The following RERE variants were observed in gnomAD, a reference collection of about 807,000 sequenced individuals.
RERE encodes arginine-glutamic acid dipeptide repeats protein.
In RERE, 40 loss-of-function variants were observed where a neutral mutation model predicts 146.1. The ratio of observed to expected loss-of-function variants is 0.27; its 90% CI spans 0.21 to 0.36. RERE has a LOEUF of 0.36. Among genes scored for constraint, RERE ranks in the 10% least tolerant of loss-of-function variants. The pLI, the probability that RERE is intolerant of heterozygous loss-of-function variation, is 1.00. For missense variants in RERE, 1,933 were observed against 2,138.7 expected (o/e 0.90, Z 1.90); for synonymous variants, 1,003 against 866.0 (o/e 1.16, Z -2.78).
intron 8 of RERE, among the ~76,000 whole-genome samples, chr1:8,498,263 G>A (rs1445883773): frequency 2.0e-5 from 3 of 152,182 alleles, no homozygotes; most frequent in African/African-American, 7.2e-5. Flanking sequence ...GGAGGCTGAG[G>A]CAGAGAACTG....
chr1:8,500,258 T>C (rs1242904370), intron 8 of RERE, among the ~76,000 whole-genome samples: 1 of 152,228 alleles, frequency 6.6e-6, no homozygotes, highest in Non-Finnish European at 1.5e-5. Flanking sequence ...CTAATGTCTG[T>C]TATTAATCGA....
chr1:8,723,372 A>C (rs1639900080), intron 1 of RERE, among the ~76,000 whole-genome samples: 1 of 152,228 alleles, frequency 6.6e-6, no homozygotes, highest in Non-Finnish European at 1.5e-5. Context: ...TCTAAACAGA[A>C]CATAGGCACA....
chr1:8,600,397 A>T (rs1440709237), intron 4 of RERE, among the ~76,000 whole-genome samples: 1 of 152,248 alleles, frequency 6.6e-6, no homozygotes, highest in Non-Finnish European at 1.5e-5. Context: ...TTAACAATTC[A>T]TCAGATATCT....
intron 4 of RERE, among the ~76,000 whole-genome samples, chr1:8,613,057 TATATC>T (rs1464978281): frequency 6.6e-6 from 1 of 152,216 alleles, no homozygotes; most frequent in African/African-American, 2.4e-5. Context: ...CAATTATCAA[TATATC>T]ATCTCTACTG....
At chr1:8,397,072 T>C (rs1025488105) in intron 12 of RERE, among the ~76,000 whole-genome samples, 9 of 152,200 alleles carry the variant, frequency 5.9e-5, no homozygotes, top group African/African-American at 2.2e-4. Flanking sequence ...TCTAATGGAA[T>C]GTTTACTATG....
At chr1:8,389,855 T>C (rs114433727) in intron 12 of RERE, among the ~76,000 whole-genome samples, 128 of 152,316 alleles carry the variant, frequency 8.4e-4, no homozygotes, top group African/African-American at 3.0e-3. Flanking sequence ...ATGACGACCC[T>C]GTCTCTTAAA....
chr1:8,767,678 T>C (rs1470298904), intron 1 of RERE, among the ~76,000 whole-genome samples: 1 of 104,200 alleles, frequency 9.6e-6, no homozygotes, highest in Non-Finnish European at 2.2e-5. Flanking sequence ...AAAGCTTTCT[T>C]TATTAAAAAA....
intron 6 of RERE, among the ~76,000 whole-genome samples, chr1:8,544,132 T>C (rs1316123226): frequency 6.6e-6 from 1 of 152,200 alleles, no homozygotes; most frequent in African/African-American, 2.4e-5. Flanking sequence ...TTTCCTCCTT[T>C]AGAGTTAATA....
At chr1:8,639,553 G>C (rs925946655) in intron 2 of RERE, among the ~76,000 whole-genome samples, 5 of 152,188 alleles carry the variant, frequency 3.3e-5, no homozygotes, top group Non-Finnish European at 5.9e-5. Context: ...GTTAGAAACT[G>C]AGTTATATAA....
At chr1:8,606,407 T>C (rs1021522784) in intron 4 of RERE, among the ~76,000 whole-genome samples, 3 of 152,150 alleles carry the variant, frequency 2.0e-5, no homozygotes, top group Non-Finnish European at 4.4e-5. Context: ...AATTTACTAA[T>C]GGCTAGTAGT....
At chr1:8,802,202 T>C (rs960544345) in intron 1 of RERE, among the ~76,000 whole-genome samples, 2 of 152,226 alleles carry the variant, frequency 1.3e-5, no homozygotes, top group South Asian at 2.1e-4. Flanking sequence ...CAGTGCTCTA[T>C]GGTTCTGGCC....
intron 1 of RERE, among the ~76,000 whole-genome samples, chr1:8,815,043 C>T (rs1641884457): frequency 1.3e-5 from 2 of 152,168 alleles, no homozygotes; most frequent in Non-Finnish European, 2.9e-5. Context: ...CTCCCCCATC[C>T]TCTTCGTCTG....
chr1:8,620,985 T>C (rs7513420), intron 3 of RERE, among the ~76,000 whole-genome samples: 89,973 of 151,636 alleles, frequency 0.59, 27,284 homozygotes, highest in East Asian at 0.83. Context: ...GATACTATCA[T>C]AGCCTCCACC....
intron 1 of RERE, among the ~76,000 whole-genome samples, chr1:8,712,214 C>A (rs1425537108): frequency 1.3e-5 from 2 of 152,188 alleles, no homozygotes; most frequent in Middle Eastern, 3.2e-3. Context: ...CTTGTGTTTT[C>A]TTCTGAAGGG....
At chr1:8,362,913 C>A in intron 15 of RERE, 69 bp from the exon 16 acceptor site, 1 of 1,541,022 alleles carries the variant, frequency 6.5e-7, no homozygotes, top group Non-Finnish European at 8.8e-7. Flanking sequence ...CTGAGCCCAA[C>A]CCACAGGCAG....
intron 1 of RERE, among the ~76,000 whole-genome samples, chr1:8,710,174 G>C (rs981090599): frequency 2.6e-5 from 4 of 152,156 alleles, no homozygotes; most frequent in Admixed American, 2.6e-4. Flanking sequence ...GCCCACATAT[G>C]CAAATGCCCT....
chr1:8,676,537 A>C (rs988445373), intron 1 of RERE, among the ~76,000 whole-genome samples: 5 of 152,220 alleles, frequency 3.3e-5, no homozygotes, highest in Non-Finnish European at 5.9e-5. Context: ...ACATTAAATC[A>C]AAATGTTCAT....
At chr1:8,734,648 G>A (rs959004988) in intron 1 of RERE, among the ~76,000 whole-genome samples, 1 of 152,056 alleles carries the variant, frequency 6.6e-6, no homozygotes, top group Non-Finnish European at 1.5e-5. Flanking sequence ...GTTACTATAG[G>A]GAATTAATAC....
chr1:8,688,541 A>G (rs1639140067), intron 1 of RERE, among the ~76,000 whole-genome samples: 1 of 151,978 alleles, frequency 6.6e-6, no homozygotes, highest in Non-Finnish European at 1.5e-5. Flanking sequence ...AGCCTGGGCA[A>G]AAGAGTAAGA....
Sources: allele counts gnomAD v4.1 joint callset (sites outside exome capture counted in the v4.1 genomes callset), GRCh38; gene constraint gnomAD v4.1.1; transcripts MANE v1.5; gene names NCBI Gene and HGNC (gene_info 2026-07-23, HGNC 2026-07-21).